The following MAK variants were observed in gnomAD, a reference collection of about 807,000 sequenced individuals.
MAK encodes male germ cell associated kinase, also known as serine/threonine-protein kinase MAK.
MAK carries 65 observed loss-of-function variants against 82.6 expected under a neutral mutation model. The observed-to-expected ratio is 0.79, with a 90% CI of 0.64 to 0.97. MAK has a LOEUF of 0.97. MAK is among the 50% of genes least tolerant of loss of function. MAK has a pLI of 0.00. For synonymous variants in MAK, 250 were observed against 274.2 expected, an observed-to-expected ratio of 0.91 and a Z score of 0.87; for missense variants, 703 against 780.2, an observed-to-expected ratio of 0.90 and a Z score of 1.18.
At chr6:10,810,540 C>T (rs569289567) in intron 5 of MAK, among the ~76,000 whole-genome samples, 2 of 152,068 alleles carry the variant, frequency 1.3e-5, no homozygotes, top group East Asian at 1.9e-4. Flanking sequence ...TGGATTTTGC[C>T]ATGTTGGCCA....
At position 10,793,867 on chromosome 6, in the gene MAK, A is replaced by G. The variant is rs943534496; in HGVS notation, c.1144-2020T>C. ...GTCATCGTTGGTGGCACGAGTGCAC[A>G]TATGGTTTAGAATGTCGGAGGTGAT... On this transcript the variant is annotated intron_variant, in intron 9 of 14. Coordinates refer to ENST00000354489, the MANE Select transcript of MAK (RefSeq NM_001242957.3). This position sits in a 1 kb window ranked among gnomAD's most constrained non-coding sequence, Gnocchi z 4.6. 1.3e-5 allele frequency among the ~76,000 whole-genome samples: 2 copies of G among 152,168 alleles called. No individual in the cohort carries two copies. The highest frequency in any genetic ancestry group is 2.9e-5 in the Non-Finnish European group (2 of 68,036).
chr6:10,835,607 T>C (rs1432362967), intron 1 of MAK, among the ~76,000 whole-genome samples: 1 of 152,202 alleles, frequency 6.6e-6, no homozygotes, highest in Non-Finnish European at 1.5e-5. Context: ...TAGCATCATC[T>C]TTTCTTTTAA....
At chr6:10,780,560 T>C (rs565944702) in intron 11 of MAK, among the ~76,000 whole-genome samples, 3 of 150,830 alleles carry the variant, frequency 2.0e-5, no homozygotes, top group Admixed American at 2.0e-4. Flanking sequence ...GTTCAAGCCA[T>C]TCTCCTGCCT....
chr6:10,826,940 C>T (rs561164763), intron 2 of MAK, among the ~76,000 whole-genome samples: 7 of 152,062 alleles, frequency 4.6e-5, no homozygotes, highest in South Asian at 2.1e-4. Flanking sequence ...GGAGAAACCC[C>T]GTCTCTACTA....
chr6:10,833,932 G>A (rs1778985065), intron 1 of MAK, among the ~76,000 whole-genome samples: 1 of 152,146 alleles, frequency 6.6e-6, no homozygotes, highest in Non-Finnish European at 1.5e-5. Flanking sequence ...TTAATATAGA[G>A]AAAGGCAGTC....
chr6:10,794,918 G>A (rs1775388673), intron 9 of MAK, among the ~76,000 whole-genome samples: 1 of 152,010 alleles, frequency 6.6e-6, no homozygotes, highest in African/African-American at 2.4e-5. Flanking sequence ...CTTGAACCTG[G>A]GAGGTGGAGG....
Position 10,796,031 on chromosome 6 carries a change from C to A in MAK, c.1110G>T (p.Thr370=), listed in dbSNP as rs772828352. ...KQQSQEKPPQ[T]LFPSIVKNMP... ...TGTTTTTGACGATGCTCGGGAATAGCGTTTGTGGCGGTTTCTCCTGACTCT... is the reference window on the plus strand; with the variant it reads ...TGTTTTTGACGATGCTCGGGAATAGAGTTTGTGGCGGTTTCTCCTGACTCT... The change falls in exon 9 of 15, where the codon ACG becomes ACT. Residue 370 remains threonine, a synonymous_variant. Coordinates refer to ENST00000354489, the MANE Select transcript of MAK (RefSeq NM_001242957.3). The A allele has an allele frequency of 2.5e-6, 4 of 1,614,000 alleles. No homozygotes were observed. Among genetic ancestry groups the A allele is most frequent in the Non-Finnish European group, 3.4e-6 (4 of 1,179,878 alleles).
At chr6:10,779,333 G>A in intron 11 of MAK, 12 of 985,064 alleles carry the variant, frequency 1.2e-5, no homozygotes, top group Non-Finnish European at 1.4e-5. Flanking sequence ...TACAGAGTGA[G>A]CTGACAGATG....
chr6:10,804,562 C>T (rs1776263939), intron 6 of MAK, among the ~76,000 whole-genome samples: 1 of 152,228 alleles, frequency 6.6e-6, no homozygotes, highest in African/African-American at 2.4e-5. Context: ...AGGCTGGTCT[C>T]GAACTCCTGA....
intron 7 of MAK, among the ~76,000 whole-genome samples, chr6:10,802,848 CACTT>C (rs1408207023): frequency 6.6e-6 from 1 of 152,152 alleles, no homozygotes; most frequent in African/African-American, 2.4e-5. Flanking sequence ...AACTACAAGG[CACTT>C]ACTAATTTAA....
intron 7 of MAK, among the ~76,000 whole-genome samples, chr6:10,803,307 G>A (rs1333368524): frequency 6.6e-6 from 1 of 152,134 alleles, no homozygotes; most frequent in East Asian, 1.9e-4. Flanking sequence ...GGAGGCTGAG[G>A]TGGGCAGATC....
chr6:10,779,153 AAG>A (rs1554166569), intron 11 of MAK, among the ~76,000 whole-genome samples: 3 of 150,792 alleles, frequency 2.0e-5, no homozygotes, highest in African/African-American at 4.9e-5. Flanking sequence ...AAAAAAAAAA[AAG>A]AAGTGCTATG....
chr6:10,804,569 C>T (rs1776264829), intron 6 of MAK, among the ~76,000 whole-genome samples: 1 of 152,184 alleles, frequency 6.6e-6, no homozygotes, highest in African/African-American at 2.4e-5. Context: ...TCTCGAACTC[C>T]TGACCTCAGG....
At chr6:10,769,054 A>AT (rs986024513) in intron 14 of MAK, among the ~76,000 whole-genome samples, 2 of 151,928 alleles carry the variant, frequency 1.3e-5, no homozygotes, top group Admixed American at 6.6e-5. Context: ...TACAAAAAAC[A>AT]TTTTTTTTAA....
chr6:10,813,258 C>T (rs1290048193), intron 5 of MAK, among the ~76,000 whole-genome samples: 1 of 143,532 alleles, frequency 7.0e-6, no homozygotes, highest in African/African-American at 2.6e-5. Flanking sequence ...AAGCAATTCT[C>T]CTGCCTCAAC....
rs1261402394 is a variant in MAK at position 10,776,232 on chromosome 6, GTA to G, written c.1466-775_1466-774del. Reference sequence around the variant, plus strand: ...GAAGCTCCACCTGAAACGCTTATTTGTATATGAGATACAGTAAAATGGAAACA... The same window carrying G: ...GAAGCTCCACCTGAAACGCTTATTTGTATGAGATACAGTAAAATGGAAACA... On this transcript the variant is annotated intron_variant, in intron 11 of 14. Transcript: ENST00000354489. This position sits in a 1 kb window ranked among gnomAD's most constrained non-coding sequence, Gnocchi z 4.3. 2.0e-5 allele frequency among the ~76,000 whole-genome samples: 3 copies of G among 152,144 alleles called. No individual in the cohort carries two copies. Among genetic ancestry groups the G allele is most frequent in the Non-Finnish European group, 4.4e-5 (3 of 68,034 alleles).
chr6:10,779,127 CAAAAAAAAAA>C lies in MAK; in HGVS notation c.1466-3678_1466-3669del, dbSNP rs918122203. 3.0e-4 allele frequency among the ~76,000 whole-genome samples: 6 copies of C among 20,004 alleles called. 1 individual carries two copies. The highest frequency in any genetic ancestry group is 7.8e-4 in the African/African-American group (5 of 6,388). 13.1% of individuals were successfully genotyped at this position (20,004 alleles called of 152,430 possible). On this transcript the variant is annotated intron_variant, in intron 11 of 14. Transcript: ENST00000354489. The stretch of plus-strand genomic sequence containing the variant: ...TGGGCAACACAGCAACACTTCGTCT[CAAAAAAAAAA>C]AAAAAAAAAAAAAAAAAGAAGTGCT...
chr6:10,833,052 A>G (rs1182610479), intron 1 of MAK, among the ~76,000 whole-genome samples: 1 of 152,134 alleles, frequency 6.6e-6, no homozygotes, highest in Non-Finnish European at 1.5e-5. Context: ...TTCAAAGAAT[A>G]TTTTTCTCTC....
intron 2 of MAK, among the ~76,000 whole-genome samples, chr6:10,819,981 G>A (rs1376396729): frequency 2.0e-5 from 3 of 151,012 alleles, no homozygotes; most frequent in South Asian, 2.1e-4. Flanking sequence ...GCGTGGTGGC[G>A]GGCACCTGTA....
Sources: gnomAD v4.1 joint callset for allele counts (sites outside exome capture counted in the v4.1 genomes callset) on GRCh38, gnomAD v4.1.1 for gene constraint, Gnocchi (gnomAD v3.1) non-coding constraint, MANE v1.5 for transcripts, NCBI Gene and HGNC (gene_info 2026-07-23, HGNC 2026-07-21) for gene names.